UNC13A: variants seen among roughly 807,000 people sequenced by gnomAD.
UNC13A encodes the protein protein unc-13 homolog A.
Under a neutral mutation model 219.7 loss-of-function variants are expected in UNC13A, and 61 were observed. The ratio of observed to expected loss-of-function variants is 0.28; its 90% CI spans 0.23 to 0.34. The LOEUF (loss-of-function observed/expected upper bound fraction) is 0.34. UNC13A is among the 10% of genes least tolerant of loss of function. UNC13A has a pLI of 1.00. For missense variants in UNC13A, 1,476 were observed against 2,270.3 expected (o/e 0.65, Z 7.11); for synonymous variants, 920 against 884.6 (o/e 1.04, Z -0.71).
chr19:17,628,683 C>T (rs966465849), intron 31 of UNC13A, among the ~76,000 whole-genome samples: 21 of 152,214 alleles, frequency 1.4e-4, no homozygotes, highest in Non-Finnish European at 1.8e-4. Context: ...ACACTATACC[C>T]GGTTAACACA....
chr19:17,686,491 C>A (rs1361229403), intron 1 of UNC13A, among the ~76,000 whole-genome samples: 1 of 151,856 alleles, frequency 6.6e-6, no homozygotes, highest in Non-Finnish European at 1.5e-5. Flanking sequence ...GGGGAGAGGT[C>A]AGTAGGGGGT....
intron 39 of UNC13A, 67 bp downstream of exon 39, chr19:17,618,839 G>T: frequency 1.3e-6 from 2 of 1,537,738 alleles, no homozygotes; most frequent in East Asian, 4.5e-5. Context: ...CCAGGATGGT[G>T]GCAACCTGGA....
At position 17,603,336 on chromosome 19, in the gene UNC13A, A is replaced by T. The variant is rs753516958; in HGVS notation, c.*2718T>A. 2.0e-5 allele frequency: 3 copies of T among 152,156 alleles called. No individual in the cohort carries two copies. Among genetic ancestry groups the T allele is most frequent in the Non-Finnish European group, 4.4e-5 (3 of 68,060 alleles). 9.4% of individuals were successfully genotyped at this position (152,156 alleles called of 1,614,324 possible). A position where few individuals can be genotyped will look rare whatever the true frequency, so the allele number is the denominator to read the frequency against. On this transcript the variant is annotated 3_prime_UTR_variant, in exon 44 of 44. Coordinates refer to ENST00000519716, the MANE Select transcript of UNC13A (RefSeq NM_001080421.3). ...CCCATTTCTTTCCAGCCATCCAAAAATCTTCCAGATCACCCTCACCCCAGG... is the reference window on the plus strand; with the variant it reads ...CCCATTTCTTTCCAGCCATCCAAAATTCTTCCAGATCACCCTCACCCCAGG...
At chr19:17,638,459 C>T (rs890506245) in intron 25 of UNC13A, among the ~76,000 whole-genome samples, 1 of 150,104 alleles carries the variant, frequency 6.7e-6, no homozygotes, top group Non-Finnish European at 1.5e-5. Context: ...CAGAGCAAGA[C>T]CCCATCTCAA....
At chr19:17,619,040 C>A in intron 38 of UNC13A, 78 bp from the exon 39 acceptor site, 2 of 1,431,728 alleles carry the variant, frequency 1.4e-6, no homozygotes, top group East Asian at 2.3e-5. Flanking sequence ...CATCTTGGTT[C>A]TTGCCCAAAG....
At chr19:17,635,619 C>T (rs1032974232) in intron 26 of UNC13A, among the ~76,000 whole-genome samples, 3 of 152,138 alleles carry the variant, frequency 2.0e-5, no homozygotes, top group African/African-American at 4.8e-5. Context: ...CTGACCACAA[C>T]AATATACAAA....
In UNC13A at chr19:17,616,865, C is replaced by T. The variant is rs540004441; in HGVS notation, c.4558+837G>A. Reference sequence around the variant, plus strand: ...CCCTCCCCCTCCTGAGTTCAAGCCGCCAAACTTCTTCCCCTTGTCGGGACC... The same window carrying T: ...CCCTCCCCCTCCTGAGTTCAAGCCGTCAAACTTCTTCCCCTTGTCGGGACC... On this transcript the variant is annotated intron_variant, in intron 41 of 43. Coordinates refer to ENST00000519716, the MANE Select transcript of UNC13A (RefSeq NM_001080421.3). 2.0e-5 allele frequency among the ~76,000 whole-genome samples: 3 copies of T among 152,258 alleles called. No individual in the cohort carries two copies. In the East Asian group the frequency reaches 5.8e-4, roughly 29 times the overall value.
chr19:17,661,689 A>G (rs2079553446), intron 8 of UNC13A, among the ~76,000 whole-genome samples: 1 of 151,880 alleles, frequency 6.6e-6, no homozygotes, highest in African/African-American at 2.4e-5. Flanking sequence ...GCAAGACTCC[A>G]TCTCAAAAAA....
Position 17,649,712 on chromosome 19 carries a change from G to T in UNC13A, c.1440-125C>A. On this transcript the variant is annotated intron_variant, in intron 12 of 43. Coordinates refer to ENST00000519716, the MANE Select transcript of UNC13A (RefSeq NM_001080421.3). The surrounding 1 kb of genome is among the most constrained non-coding windows in gnomAD (Gnocchi z 4.4). ...ATTGGGTCCCTCAAAAAAAAGATAC[G>T]CTGATGCCCTAACCCCCACTACCTC... 2 of 999,968 alleles carry T rather than the reference G, an allele frequency of 2.0e-6. No individual in the cohort carries two copies. The highest frequency in any genetic ancestry group is 1.5e-6 in the Non-Finnish European group (1 of 650,754). 61.9% of individuals were successfully genotyped at this position (999,968 alleles called of 1,614,324 possible).
intron 12 of UNC13A, among the ~76,000 whole-genome samples, chr19:17,652,407 C>T (rs1459726283): frequency 6.6e-6 from 1 of 152,184 alleles, no homozygotes; most frequent in African/African-American, 2.4e-5. Context: ...GCTAGGATTA[C>T]AGGCATGAGC....
intron 17 of UNC13A, among the ~76,000 whole-genome samples, chr19:17,646,510 C>T (rs1422635873): frequency 6.6e-6 from 1 of 152,120 alleles, no homozygotes; most frequent in African/African-American, 2.4e-5. Flanking sequence ...CCTGCCTCAG[C>T]CTCAGCCTCC....
At position 17,659,646 on chromosome 19, in the gene UNC13A, G is replaced by A. The variant is rs8104486; in HGVS notation, c.560-1377C>T. Among the ~76,000 whole-genome samples, 566 of 152,094 alleles carry A rather than the reference G, an allele frequency of 3.7e-3. 1 individual carries two copies. Among genetic ancestry groups the A allele is most frequent in the African/African-American group, 0.013 (522 of 41,506 alleles). ...TAGCTGGGCGTGGTGGTGGGCGCCT[G>A]TAGTCCCAGCTATTCGGGAGGGTAT... On this transcript the variant is annotated intron_variant, in intron 8 of 43. Coordinates refer to ENST00000519716, the MANE Select transcript of UNC13A (RefSeq NM_001080421.3).
At chr19:17,635,912 C>T in intron 26 of UNC13A, 112 bp downstream of exon 26, 1 of 1,333,590 alleles carries the variant, frequency 7.5e-7, no homozygotes, top group Non-Finnish European at 1.0e-6. Flanking sequence ...ACAATTACCC[C>T]CAGGTGCACA....
intron 8 of UNC13A, among the ~76,000 whole-genome samples, chr19:17,661,160 G>A (rs2079545030): frequency 6.8e-6 from 1 of 146,066 alleles, no homozygotes; most frequent in Non-Finnish European, 1.5e-5. Flanking sequence ...GCTGATTTCA[G>A]ACTTTGGAGC....
intron 1 of UNC13A, among the ~76,000 whole-genome samples, chr19:17,681,790 T>C (rs941296460): frequency 6.6e-6 from 1 of 152,122 alleles, no homozygotes; most frequent in East Asian, 1.9e-4. Context: ...GTCCCACCCG[T>C]GTACCCTCAA....
chr19:17,623,164 C>G (rs1432461850), intron 36 of UNC13A: 1 of 246,296 alleles, frequency 4.1e-6, no homozygotes, highest in African/African-American at 2.3e-5. Context: ...AAGAGGAGGT[C>G]AGAGGAATCC....
Position 17,658,001 on chromosome 19 carries a change from C to A in UNC13A, c.767+61G>T, listed in dbSNP as rs1040191952. On this transcript the variant is annotated intron_variant, in intron 9 of 43. Transcript: ENST00000519716. Reference sequence around the variant, plus strand: ...TCCAGCTCTGTCCAGCCCCGTACCCCTCTCTCCACTCCAGGAGACACAGCA... The same window carrying A: ...TCCAGCTCTGTCCAGCCCCGTACCCATCTCTCCACTCCAGGAGACACAGCA... The A allele has an allele frequency of 1.2e-4, 181 of 1,555,104 alleles. 1 individual carries two copies. The South Asian group carries it at 2.0e-3, about 17-fold the overall frequency.
chr19:17,634,861 A>C (rs1190166562), intron 26 of UNC13A, among the ~76,000 whole-genome samples: 1 of 150,552 alleles, frequency 6.6e-6, no homozygotes, highest in Non-Finnish European at 1.5e-5. Flanking sequence ...CGCCCGGTTA[A>C]TTTTTGTTTT....
chr19:17,617,608 G>A, intron 41 of UNC13A, 94 bp downstream of exon 41: 2 of 1,535,518 alleles, frequency 1.3e-6, no homozygotes, highest in Non-Finnish European at 1.8e-6. Flanking sequence ...CATCCATGAC[G>A]TCACAGGGGA....
Sources: gnomAD v4.1 joint callset for allele counts (sites outside exome capture counted in the v4.1 genomes callset) on GRCh38, gnomAD v4.1.1 for gene constraint, Gnocchi (gnomAD v3.1) non-coding constraint, MANE v1.5 for transcripts, NCBI Gene and HGNC (gene_info 2026-07-23, HGNC 2026-07-21) for gene names.